ATXN1L: variants seen among roughly 807,000 people sequenced by gnomAD.
ATXN1L encodes ataxin-1-like.
ATXN1L carries 8 observed loss-of-function variants against 43.4 expected under a neutral mutation model. The ratio of observed to expected loss-of-function variants is 0.18; its 90% CI spans 0.11 to 0.33. ATXN1L has a LOEUF of 0.33. ATXN1L is among the 10% of genes least tolerant of loss of function. The probability of loss-of-function intolerance (pLI) is 1.00; values close to 1 mark genes in which losing one functional copy is unlikely to be tolerated. For missense variants in ATXN1L, 856 were observed against 885.4 expected (o/e 0.97, Z 0.42); for synonymous variants, 379 against 360.6 (o/e 1.05, Z -0.58).
rs1415838605 is a variant in ATXN1L at position 71,850,630 on chromosome 16, A to G, written c.890A>G (p.Gln297Arg). The change falls in exon 3 of 3, where the codon CAG becomes CGG. Residue 297 changes from glutamine (Q) to arginine (R), a missense_variant. By Grantham distance (43) the Gln-to-Arg change is conservative (BLOSUM62 1). This residue lies in a region of ATXN1L where 490 missense variants were observed against 449.4 expected (regional missense o/e 1.09). Coordinates refer to ENST00000427980, the MANE Select transcript of ATXN1L (RefSeq NM_001137675.4). ...LDSPNSKGEGQGLVPVVECVV... is the reference protein window; with the variant it reads ...LDSPNSKGEGRGLVPVVECVV... ...TCCCCCAACAGCAAGGGTGAAGGCC[A>G]GGGACTGGTGCCAGTGGTAGAATGT... is the stretch of plus-strand genomic sequence containing the variant. The G allele has an allele frequency of 2.6e-6, 4 of 1,551,766 alleles. No individual in the cohort carries two copies. Among genetic ancestry groups the G allele is most frequent in the Non-Finnish European group, 3.5e-6 (4 of 1,147,008 alleles).
rs749715705 is a variant in ATXN1L at position 71,851,117 on chromosome 16, C to T, written c.1377C>T (p.Pro459=). 2 of 1,551,690 alleles carry T rather than the reference C, an allele frequency of 1.3e-6. No homozygotes were observed. The highest frequency in any genetic ancestry group is 1.7e-6 in the Non-Finnish European group (2 of 1,146,978). The stretch of plus-strand genomic sequence containing the variant: ...CAGACAAGGAGCCAACGCCGCCCCC[C>T]ATTACCTCCTCTCACTTGCCTTCCC... ...TFPDKEPTPP[P]ITSSHLPSHF... is the part of the protein sequence containing the mutation. Residue 459 remains proline (P), a synonymous_variant, in exon 3 of 3, where the codon CCC becomes CCT. Coordinates refer to ENST00000427980, the MANE Select transcript of ATXN1L (RefSeq NM_001137675.4). This position sits in a 1 kb window ranked among gnomAD's most constrained non-coding sequence, Gnocchi z 4.9.
chr16:71,846,566 G>A (rs1375867906), intron 1 of ATXN1L, among the ~76,000 whole-genome samples: 1 of 152,188 alleles, frequency 6.6e-6, no homozygotes, highest in Non-Finnish European at 1.5e-5. Context: ...AGAGAATTTG[G>A]GTCTCCAGCT....
chr16:71,856,710 G>A lies in ATXN1L; in HGVS notation c.*4900G>A, dbSNP rs549091778. 96 of 167,236 alleles carry A rather than the reference G, an allele frequency of 5.7e-4. 1 individual carries two copies. The Admixed American group carries it at 6.3e-3, about 11-fold the overall frequency. The allele number at this position is 167,236 out of a possible 1,614,324, so 10.4% of individuals were successfully genotyped here. ...ACACAGGATCCCTGTAGCCAAAACA[G>A]TATATGATCCAGCTGCAGAGAGCAG... On this transcript the variant is annotated 3_prime_UTR_variant, in exon 3 of 3. Transcript: ENST00000427980.
At chr16:71,847,963 T>G in intron 1 of ATXN1L, 47 bp from the exon 2 acceptor site, 1 of 452,850 alleles carries the variant, frequency 2.2e-6, no homozygotes, top group Non-Finnish European at 4.4e-6. Context: ...CTGGGGAGAA[T>G]TAGAGGTCAG....
intron 1 of ATXN1L, among the ~76,000 whole-genome samples, 159 bp downstream of exon 1, chr16:71,846,263 C>T (rs1567388433): frequency 6.6e-6 from 1 of 152,170 alleles, no homozygotes; most frequent in Admixed American, 6.5e-5. Flanking sequence ...CCTCGCGCTT[C>T]TCTCTGGCCT....
chr16:71,846,487 A>G (rs2033444784), intron 1 of ATXN1L, among the ~76,000 whole-genome samples: 1 of 152,178 alleles, frequency 6.6e-6, no homozygotes, highest in Admixed American at 6.5e-5. Flanking sequence ...GGATTGCGGG[A>G]CCACTGGGAG....
At chr16:71,847,413 C>T (rs985326708) in intron 1 of ATXN1L, among the ~76,000 whole-genome samples, 1 of 152,044 alleles carries the variant, frequency 6.6e-6, no homozygotes, top group Non-Finnish European at 1.5e-5. Flanking sequence ...GAAAATTTTA[C>T]ATACACACAC....
In ATXN1L at chr16:71,850,633, G is replaced by A; in HGVS notation, c.893G>A (p.Gly298Glu). ...DSPNSKGEGQ[G>E]LVPVVECVVD... ...CCCAACAGCAAGGGTGAAGGCCAGG[G>A]ACTGGTGCCAGTGGTAGAATGTGTG... Residue 298 changes from glycine (G) to glutamate (E), a missense_variant, in exon 3 of 3, where the codon GGA becomes GAA. By Grantham distance (98) the Gly-to-Glu change is moderately conservative. Transcript: ENST00000427980. 1 of 1,551,770 alleles carries A rather than the reference G, an allele frequency of 6.4e-7. No homozygotes were observed. Among genetic ancestry groups the A allele is most frequent in the Non-Finnish European group, 8.7e-7 (1 of 1,147,016 alleles).
chr16:71,856,190 A>G lies in ATXN1L; in HGVS notation c.*4380A>G, dbSNP rs1052757411. The stretch of plus-strand genomic sequence containing the variant: ...TGCCTCCCCAGCAGGAACAATAGTC[A>G]TAAATGCACTTTTCACACTAAAGGT... On this transcript the variant is annotated 3_prime_UTR_variant, in exon 3 of 3. Transcript: ENST00000427980. 1.8e-5 allele frequency: 3 copies of G among 167,148 alleles called. No homozygotes were observed. Among genetic ancestry groups the G allele is most frequent in the African/African-American group, 7.2e-5 (3 of 41,460 alleles). The allele number at this position is 167,148 out of a possible 1,614,324, so 10.4% of individuals were successfully genotyped here.
rs762010425 is a variant in ATXN1L, at chr16:71,854,069, C to T, written c.*2259C>T. On this transcript the variant is annotated 3_prime_UTR_variant, in exon 3 of 3. Transcript: ENST00000427980. ...TGGCTGTTTCATGAGCAACTCATTC[C>T]TAGAGTTCATTGTTTGCATGGGTTT... The T allele has an allele frequency of 7.2e-5, 12 of 167,094 alleles. No individual in the cohort carries two copies. Among genetic ancestry groups the T allele is most frequent in the Admixed American group, 2.0e-4 (3 of 15,288 alleles). 10.4% of individuals were successfully genotyped at this position (167,094 alleles called of 1,614,324 possible).
Position 71,851,872 on chromosome 16 carries a change from G to C in ATXN1L, c.*62G>C. The C allele has an allele frequency of 7.2e-7, 1 of 1,380,448 alleles. No homozygotes were observed. 85.5% of individuals were successfully genotyped at this position (1,380,448 alleles called of 1,614,324 possible). ...GAGCCTCGCCTCGCCGCCGTGAGCA[G>C]GCAGAGGATTTGCACACGCCGAGCA... On this transcript the variant is annotated 3_prime_UTR_variant, in exon 3 of 3. Coordinates refer to ENST00000427980, the MANE Select transcript of ATXN1L (RefSeq NM_001137675.4). This position sits in a 1 kb window ranked among gnomAD's most constrained non-coding sequence, Gnocchi z 4.9.
Position 71,851,737 on chromosome 16 carries a change from C to G in ATXN1L, c.1997C>G (p.Ala666Gly). The stretch of plus-strand genomic sequence containing the variant: ...ATGCAAGGGGAGGAGGCACGGGCTG[C>G]GCTGCTCCGTCCCTCTTTCATTCCA... ...YSMQGEEARAALLRPSFIPQE... is the reference protein window; with the variant it reads ...YSMQGEEARAGLLRPSFIPQE... The change falls in exon 3 of 3, where the codon GCG (alanine) becomes GGG (glycine). Residue 666 changes from alanine to glycine, a missense_variant. Transcript: ENST00000427980. This position sits in a 1 kb window ranked among gnomAD's most constrained non-coding sequence, Gnocchi z 4.9. The G allele has an allele frequency of 6.9e-7, 1 of 1,458,864 alleles. No individual in the cohort carries two copies. Among genetic ancestry groups the G allele is most frequent in the Non-Finnish European group, 9.1e-7 (1 of 1,101,756 alleles). The allele number at this position is 1,458,864 out of a possible 1,614,324, so 90.4% of individuals were successfully genotyped here. A position where few individuals can be genotyped will look rare whatever the true frequency, so the allele number is the denominator to read the frequency against.
At chr16:71,846,476 A>G (rs970114255) in intron 1 of ATXN1L, among the ~76,000 whole-genome samples, 1 of 152,218 alleles carries the variant, frequency 6.6e-6, no homozygotes, top group Non-Finnish European at 1.5e-5. Context: ...TGTTGGATCA[A>G]GGATTGCGGG....
chr16:71,846,491 C>T (rs1316275434), intron 1 of ATXN1L, among the ~76,000 whole-genome samples: 1 of 152,228 alleles, frequency 6.6e-6, no homozygotes, highest in East Asian at 1.9e-4. Context: ...TGCGGGACCA[C>T]TGGGAGCCAT....
Position 71,850,661 on chromosome 16 carries a change from G to A in ATXN1L, c.921G>A (p.Val307=), listed in dbSNP as rs1174365222. 2 of 1,551,642 alleles carry A rather than the reference G, an allele frequency of 1.3e-6. No homozygotes were observed. ...TGGTGCCAGTGGTAGAATGTGTGGT[G>A]GATGGACAGTTGTTTTCAGGTTCTC... ...QGLVPVVECV[V]DGQLFSGSQT... is the part of the protein sequence containing the mutation. The change falls in exon 3 of 3, where the codon GTG becomes GTA. Residue 307 remains valine, a synonymous_variant. Transcript: ENST00000427980.
intron 1 of ATXN1L, among the ~76,000 whole-genome samples, chr16:71,847,154 G>A (rs2033451078): frequency 6.6e-6 from 1 of 152,172 alleles, no homozygotes; most frequent in Admixed American, 6.5e-5. Flanking sequence ...TTTGGGTTGA[G>A]GCTTAGAGTG....
intron 1 of ATXN1L, 132 bp from the exon 2 acceptor site, chr16:71,847,878 T>A (rs2033459618): frequency 7.2e-6 from 2 of 276,298 alleles, no homozygotes; most frequent in Non-Finnish European, 1.5e-5. Flanking sequence ...GTAAATGTAC[T>A]GTTTACCTGT....
chr16:71,851,378 T>C lies in ATXN1L; in HGVS notation c.1638T>C (p.Phe546=), dbSNP rs1261079267. 1.3e-6 allele frequency: 2 copies of C among 1,551,410 alleles called. No homozygotes were observed. The highest frequency in any genetic ancestry group is 1.7e-6 in the Non-Finnish European group (2 of 1,146,924). Reference sequence around the variant, plus strand: ...AAGTGCCCCCCGAGCACCCCTTCTTTGTATATGGCCAGGGTTGGTCCTCTT... The same window carrying C: ...AAGTGCCCCCCGAGCACCCCTTCTTCGTATATGGCCAGGGTTGGTCCTCTT... The part of the protein sequence containing the change: ...SIEVPPEHPF[F]VYGQGWSSCS... The change falls in exon 3 of 3, where the codon TTT becomes TTC. Residue 546 remains phenylalanine, a synonymous_variant. Transcript: ENST00000427980. The surrounding 1 kb of genome is among the most constrained non-coding windows in gnomAD (Gnocchi z 4.9).
chr16:71,848,142 AATGT>A, intron 2 of ATXN1L, 71 bp downstream of exon 2: 1 of 449,414 alleles, frequency 2.2e-6, no homozygotes, highest in South Asian at 1.6e-5. Flanking sequence ...AACAGAACAG[AATGT>A]AATATAGAAA....
Sources: gnomAD v4.1 joint callset for allele counts (sites outside exome capture counted in the v4.1 genomes callset) on GRCh38, gnomAD v4.1.1 for gene constraint, gnomAD v4.1.1 regional missense constraint, Gnocchi (gnomAD v3.1) non-coding constraint, MANE v1.5 for transcripts, NCBI Gene and HGNC (gene_info 2026-07-23, HGNC 2026-07-21) for gene names.